The following NRP1 variants were observed in gnomAD, a reference collection of about 807,000 sequenced individuals.
NRP1 encodes the protein neuropilin-1.
In NRP1, 35 loss-of-function variants were observed where a neutral mutation model predicts 106.7. The observed-to-expected ratio is 0.33, with a 90% CI of 0.25 to 0.43. The LOEUF (loss-of-function observed/expected upper bound fraction) is 0.43. Ranked by LOEUF, NRP1 falls within the 20% of genes least tolerant of loss-of-function variation. NRP1 has a pLI of 1.00. For missense variants in NRP1, 1,024 were observed against 1,170.4 expected (o/e 0.87, Z 1.83); for synonymous variants, 437 against 417.9 (o/e 1.05, Z -0.56).
chr10:33,185,161 CT>C (rs1213023943), intron 15 of NRP1, among the ~76,000 whole-genome samples: 1 of 152,214 alleles, frequency 6.6e-6, no homozygotes, highest in African/African-American at 2.4e-5. Flanking sequence ...GAAACATCTA[CT>C]TGTGATAAAG....
Position 33,213,416 on chromosome 10 carries a change from C to G in NRP1, c.1584G>C (p.Met528Ile). 1.2e-6 allele frequency: 2 copies of G among 1,614,046 alleles called. No homozygotes were observed. Among genetic ancestry groups the G allele is most frequent in the Non-Finnish European group, 1.7e-6 (2 of 1,180,032 alleles). ...GYSNNGSDWKMIMDDSKRKAK... is the reference protein window; with the variant it reads ...GYSNNGSDWKIIMDDSKRKAK... ...CCTTGCGTTTGCTGTCATCCATGAT[C>G]ATCTTCCAGTCCGAGCCGTTGTTGC... Residue 528 changes from methionine to isoleucine, a missense_variant, in exon 9 of 17, where the codon ATG becomes ATC. Met to Ile is a conservative substitution (Grantham distance 10). This residue lies in a region of NRP1 where 562 missense variants were observed against 620.3 expected (regional missense o/e 0.91). Transcript: ENST00000374867.
chr10:33,256,380 G>A lies in NRP1; in HGVS notation c.750C>T (p.Asp250=). The part of the protein sequence containing the change: ...SGILSMVFYT[D]SAIAKEGFSA... ...AGAAACCTTCTTTTGCTATCGCGCTGTCGGTGTAAAAAACCATGGAGAGAA... is the reference window on the plus strand; with the variant it reads ...AGAAACCTTCTTTTGCTATCGCGCTATCGGTGTAAAAAACCATGGAGAGAA... Residue 250 remains aspartate, a synonymous_variant, in exon 5 of 17, where the codon GAC becomes GAT. Coordinates refer to ENST00000374867, the MANE Select transcript of NRP1 (RefSeq NM_003873.7). 2 of 1,614,172 alleles carry A rather than the reference G, an allele frequency of 1.2e-6. No homozygotes were observed. Among genetic ancestry groups the A allele is most frequent in the Non-Finnish European group, 8.5e-7 (1 of 1,180,014 alleles).
chr10:33,179,701 C>T lies in NRP1; in HGVS notation c.*375G>A, dbSNP rs1275853914. 1.5e-5 allele frequency: 3 copies of T among 200,192 alleles called. No homozygotes were observed. Among genetic ancestry groups the T allele is most frequent in the South Asian group, 1.2e-4 (1 of 8,552 alleles). 12.4% of individuals were successfully genotyped at this position (200,192 alleles called of 1,614,324 possible). ...TAGCATGTCCATCCAAAGGGCCACA[C>T]GGAATACGCTTGGTGCCAGCATCTT... On this transcript the variant is annotated 3_prime_UTR_variant, in exon 17 of 17. Transcript: ENST00000374867.
intron 2 of NRP1, among the ~76,000 whole-genome samples, chr10:33,302,479 G>A (rs2132712053): frequency 6.6e-6 from 1 of 152,324 alleles, no homozygotes; most frequent in East Asian, 1.9e-4. Context: ...TATTGGATAA[G>A]AACTTCCCCT....
intron 6 of NRP1, among the ~76,000 whole-genome samples, chr10:33,248,966 C>T (rs113873122): frequency 6.6e-6 from 1 of 152,046 alleles, no homozygotes; most frequent in Non-Finnish European, 1.5e-5. Context: ...AGTTTCAGCC[C>T]GAGTTGGTTT....
intron 4 of NRP1, among the ~76,000 whole-genome samples, chr10:33,262,081 T>G (rs1050151603): frequency 5.3e-5 from 8 of 152,234 alleles, no homozygotes; most frequent in South Asian, 4.1e-4. Context: ...AATATTCTTT[T>G]GAGAATAGTA....
chr10:33,194,868 G>A (rs1360757729), intron 12 of NRP1: 2 of 430,768 alleles, frequency 4.6e-6, no homozygotes, highest in East Asian at 1.4e-4. Flanking sequence ...GAAAGGGAGA[G>A]AGAAAAGGAG....
chr10:33,328,369 T>G (rs1035522261), intron 2 of NRP1, among the ~76,000 whole-genome samples: 11 of 152,272 alleles, frequency 7.2e-5, no homozygotes, highest in Admixed American at 5.2e-4. Context: ...AAACTGATCA[T>G]CAGCCTATGG....
intron 13 of NRP1, among the ~76,000 whole-genome samples, chr10:33,192,066 G>A (rs1340058646): frequency 6.6e-6 from 1 of 151,656 alleles, no homozygotes; most frequent in African/African-American, 2.4e-5. Context: ...GCCAATCAGT[G>A]GCCAACTTCA....
chr10:33,273,087 G>A (rs1193088167), intron 2 of NRP1, among the ~76,000 whole-genome samples: 1 of 116,648 alleles, frequency 8.6e-6, no homozygotes, highest in African/African-American at 3.3e-5. Flanking sequence ...TATGTGTGGG[G>A]TGGTGAGTGG....
At chr10:33,332,408 G>A (rs1437706273) in intron 1 of NRP1, among the ~76,000 whole-genome samples, 1 of 152,200 alleles carries the variant, frequency 6.6e-6, no homozygotes, top group Non-Finnish European at 1.5e-5. Flanking sequence ...GTCTCATTAA[G>A]TTTCCTCTAG....
chr10:33,213,992 A>G (rs1256247315), intron 8 of NRP1, among the ~76,000 whole-genome samples: 1 of 152,138 alleles, frequency 6.6e-6, no homozygotes, highest in Non-Finnish European at 1.5e-5. Context: ...TAACATTCAT[A>G]TTTCAGTCTC....
chr10:33,255,755 T>TTGAATAA (rs745474283), intron 5 of NRP1, among the ~76,000 whole-genome samples: 11 of 152,112 alleles, frequency 7.2e-5, no homozygotes, highest in Non-Finnish European at 1.0e-4. Context: ...CTGGCCTTAT[T>TTGAATAA]CTTTGTTCTT....
In NRP1 at chr10:33,186,436, C is replaced by T. The variant is rs1314490556; in HGVS notation, c.2115G>A (p.Val705=). ...SQADENQKGK[V]ARLVSPVVYS... ...AAACCACAGGGCTCACCAGGCGAGC[C>T]ACTTTGCCCTTCTGATTTTCGTCAG... The change falls in exon 14 of 17, where the codon GTG becomes GTA. Residue 705 remains valine (V), a synonymous_variant. Transcript: ENST00000374867. 3 of 1,613,886 alleles carry T rather than the reference C, an allele frequency of 1.9e-6. No homozygotes were observed. Among genetic ancestry groups the T allele is most frequent in the Non-Finnish European group, 2.5e-6 (3 of 1,179,950 alleles).
chr10:33,223,114 A>G (rs556801559), intron 7 of NRP1, among the ~76,000 whole-genome samples: 2 of 152,194 alleles, frequency 1.3e-5, no homozygotes, highest in Non-Finnish European at 2.9e-5. Context: ...GCTGGGTCAG[A>G]CACCTCCTTT....
chr10:33,236,564 A>C (rs1438725974), intron 6 of NRP1, among the ~76,000 whole-genome samples: 1 of 152,236 alleles, frequency 6.6e-6, no homozygotes, highest in Non-Finnish European at 1.5e-5. Context: ...GTTTGGGTTC[A>C]GTGCTGCTGA....
In NRP1 at chr10:33,180,578, C is replaced by A. The variant is rs750311885; in HGVS notation, c.2483-213G>T. Among the ~76,000 whole-genome samples the A allele has an allele frequency of 4.6e-5, 7 of 152,182 alleles. 1 individual carries two copies. Among genetic ancestry groups the A allele is most frequent in the Non-Finnish European group, 1.0e-4 (7 of 68,026 alleles). On this transcript the variant is annotated intron_variant, in intron 16 of 16. Transcript: ENST00000374867. ...GACTGCTTAGCACGTGGAAACAACC[C>A]ATTCTGGATCAACTGGGAGGTTCCT...
chr10:33,237,055 G>T (rs1007184480), intron 6 of NRP1, among the ~76,000 whole-genome samples: 3 of 151,792 alleles, frequency 2.0e-5, no homozygotes, highest in African/African-American at 7.3e-5. Context: ...AAACTATGGA[G>T]CCCAGAGTGT....
intron 5 of NRP1, among the ~76,000 whole-genome samples, chr10:33,256,025 A>C (rs1054303361): frequency 6.6e-6 from 1 of 152,176 alleles, no homozygotes; most frequent in Non-Finnish European, 1.5e-5. Context: ...GGTGCCAGGT[A>C]GATGCTCTAG....
Sources: gnomAD v4.1 joint callset for allele counts (sites outside exome capture counted in the v4.1 genomes callset) on GRCh38, gnomAD v4.1.1 for gene constraint, gnomAD v4.1.1 regional missense constraint, MANE v1.5 for transcripts, NCBI Gene and HGNC (gene_info 2026-07-23, HGNC 2026-07-21) for gene names.